Variants in KIFC1 observed in about 807,000 individuals in gnomAD.
KIFC1 encodes kinesin-like protein KIFC1.
Under a neutral mutation model 66.6 loss-of-function variants are expected in KIFC1, and 37 were observed. The observed-to-expected ratio is 0.56, with a 90% CI of 0.43 to 0.73. The LOEUF (loss-of-function observed/expected upper bound fraction) is 0.73. KIFC1 is among the 30% of genes least tolerant of loss of function. The probability of loss-of-function intolerance (pLI) is 0.00; values close to 1 mark genes in which losing one functional copy is unlikely to be tolerated. For missense variants in KIFC1, 721 were observed against 859.8 expected (o/e 0.84, Z 2.02); for synonymous variants, 325 against 343.5 (o/e 0.95, Z 0.60).
rs1775497030 is a variant in KIFC1 at position 33,403,820 on chromosome 6, A to T, written c.447A>T (p.Glu149Asp). 1 of 1,614,118 alleles carries T rather than the reference A, an allele frequency of 6.2e-7. No homozygotes were observed. Among genetic ancestry groups the T allele is most frequent in the Admixed American group, 1.7e-5 (1 of 60,010 alleles). The change falls in exon 6 of 11, where the codon GAA becomes GAT. Residue 149 changes from glutamate (E) to aspartate (D), a missense_variant. Glu to Asp is a conservative substitution (Grantham distance 45). Transcript: ENST00000428849. This position sits in a 1 kb window ranked among gnomAD's most constrained non-coding sequence, Gnocchi z 4.6. ...LKGQLCDLNA[E>D]LKRCRERTQT... The stretch of plus-strand genomic sequence containing the variant: ...GTCAGTTATGTGACCTAAATGCAGA[A>T]CTAAAACGGTGCCGTGAGAGGACTC...
At position 33,391,913 on chromosome 6, in the gene KIFC1, G is replaced by GC; in HGVS notation, c.-72dup. 1 of 1,584,328 alleles carries GC rather than the reference G, an allele frequency of 6.3e-7. No homozygotes were observed. ...CTGCTTCGCGAGCGGGCGAGAGAAC[G>GC]CGAGTCCCAGGATCCCCGGCACCCA... On this transcript the variant is annotated 5_prime_UTR_variant, in exon 1 of 11. Coordinates refer to ENST00000428849, the MANE Select transcript of KIFC1 (RefSeq NM_002263.4).
chr6:33,400,854 A>G lies in KIFC1; in HGVS notation c.251-2460A>G, dbSNP rs564692189. Among the ~76,000 whole-genome samples, 22 of 152,232 alleles carry G rather than the reference A, an allele frequency of 1.4e-4. No homozygotes were observed. The South Asian group carries it at 2.5e-3, about 17-fold the overall frequency. On this transcript the variant is annotated intron_variant, in intron 3 of 10. Transcript: ENST00000428849. The surrounding 1 kb of genome is among the most constrained non-coding windows in gnomAD (Gnocchi z 4.3). The stretch of plus-strand genomic sequence containing the variant: ...TTTTTAATAGAGACAGGGTTTCACC[A>G]TGTTAGCCAGGATGGTCTCGATCTC...
Position 33,407,157 on chromosome 6 carries a change from C to T in KIFC1, c.1977+282C>T, listed in dbSNP as rs576844585. The T allele has an allele frequency of 2.3e-4, 242 of 1,057,164 alleles. 1 individual carries two copies. In the South Asian group the frequency reaches 2.3e-3, roughly 10 times the overall value. The allele number at this position is 1,057,164 out of a possible 1,614,324, so 65.5% of individuals were successfully genotyped here. Reference sequence around the variant, plus strand: ...GGCGTAGTAGCTCATGCCTATAATCCGAACACTTCGGGAGGCCAAGGCAGG... The same window carrying T: ...GGCGTAGTAGCTCATGCCTATAATCTGAACACTTCGGGAGGCCAAGGCAGG... On this transcript the variant is annotated intron_variant, in intron 10 of 10. Coordinates refer to ENST00000428849, the MANE Select transcript of KIFC1 (RefSeq NM_002263.4).
rs1210944060 is a variant in KIFC1 at position 33,400,811 on chromosome 6, T to C, written c.250+2424T>C. Among the ~76,000 whole-genome samples, 3 of 152,178 alleles carry C rather than the reference T, an allele frequency of 2.0e-5. No individual in the cohort carries two copies. The highest frequency in any genetic ancestry group is 2.0e-4 in the Admixed American group (3 of 15,264). Reference sequence around the variant, plus strand: ...ACAGGCGCCCTCCACCACACTTGGCTAATTTTGTTTTTTTGTATTTTTAAT... The same window carrying C: ...ACAGGCGCCCTCCACCACACTTGGCCAATTTTGTTTTTTTGTATTTTTAAT... On this transcript the variant is annotated intron_variant, in intron 3 of 10. Coordinates refer to ENST00000428849, the MANE Select transcript of KIFC1 (RefSeq NM_002263.4). The surrounding 1 kb of genome is among the most constrained non-coding windows in gnomAD (Gnocchi z 4.3).
Position 33,406,549 on chromosome 6 carries a change from C to T in KIFC1, c.1828-43C>T. On this transcript the variant is annotated intron_variant, in intron 8 of 10. Transcript: ENST00000428849. This position sits in a 1 kb window ranked among gnomAD's most constrained non-coding sequence, Gnocchi z 4.5. ...GACAGTTGGGGTTGGCTGTGCAGAA[C>T]CCTGCCTATTCCTAAACATCTGTCC... 6.2e-7 allele frequency: 1 copy of T among 1,613,176 alleles called. No individual in the cohort carries two copies. Among genetic ancestry groups the T allele is most frequent in the South Asian group, 1.1e-5 (1 of 90,978 alleles).
At position 33,404,199 on chromosome 6, in the gene KIFC1, A is replaced by AG; in HGVS notation, c.756+72dup. ...AGAGGTCATGCCTCCCCTCCCTTCC[A>AG]GGTACCCCTCAAGTCTGGGCTGAGA... On this transcript the variant is annotated intron_variant, in intron 6 of 10. Transcript: ENST00000428849. The surrounding 1 kb of genome is among the most constrained non-coding windows in gnomAD (Gnocchi z 4.0). 6.7e-7 allele frequency: 1 copy of AG among 1,482,524 alleles called. No individual in the cohort carries two copies. Among genetic ancestry groups the AG allele is most frequent in the Admixed American group, 1.9e-5 (1 of 51,606 alleles). The allele number at this position is 1,482,524 out of a possible 1,614,324, so 91.8% of individuals were successfully genotyped here. A position where few individuals can be genotyped will look rare whatever the true frequency, so the allele number is the denominator to read the frequency against.
chr6:33,396,436 C>CTTTTTTTTTTTTTTTTTTTTTTTTT (rs199749552), intron 1 of KIFC1, among the ~76,000 whole-genome samples: 2 of 116,258 alleles, frequency 1.7e-5, no homozygotes, highest in Non-Finnish European at 3.4e-5. Flanking sequence ...CTTTTCTTTT[C>CTTTTTTTTTTTTTTTTTTTTTTTTT]TTTTTTTTTT....
Position 33,391,975 on chromosome 6 carries a change from C to A in KIFC1, c.-11C>A, listed in dbSNP as rs763321781. On this transcript the variant is annotated 5_prime_UTR_variant, in exon 1 of 11. Transcript: ENST00000428849. ...CTGCATTCCCCCGGCGCGTGTGGGA[C>A]CGAGGTGGACATGGATCCGCAGGTG... The A allele has an allele frequency of 1.9e-6, 3 of 1,613,966 alleles. No individual in the cohort carries two copies. Among genetic ancestry groups the A allele is most frequent in the Non-Finnish European group, 2.5e-6 (3 of 1,179,942 alleles).
At chr6:33,402,965 C>T (rs1775450939) in intron 3 of KIFC1, among the ~76,000 whole-genome samples, 1 of 152,146 alleles carries the variant, frequency 6.6e-6, no homozygotes. Flanking sequence ...TCAGCCTGGA[C>T]AACAAGTGAA....
chr6:33,399,031 G>A (rs564791062), intron 3 of KIFC1, among the ~76,000 whole-genome samples: 141 of 152,330 alleles, frequency 9.3e-4, no homozygotes, highest in African/African-American at 3.4e-3. Context: ...GGCATATGGA[G>A]TACAGTTGGC....
rs1163299001 is a variant in KIFC1, at chr6:33,403,237, T to C, written c.251-77T>C. On this transcript the variant is annotated intron_variant, in intron 3 of 10. Transcript: ENST00000428849. This position sits in a 1 kb window ranked among gnomAD's most constrained non-coding sequence, Gnocchi z 4.6. ...CTAATTCTGAGAAAAGCACTTCTTCTGCCCCTGTCCTAGCAAGTGTACATG... is the reference window on the plus strand; with the variant it reads ...CTAATTCTGAGAAAAGCACTTCTTCCGCCCCTGTCCTAGCAAGTGTACATG... 7.6e-7 allele frequency: 1 copy of C among 1,316,768 alleles called. No homozygotes were observed. The highest frequency in any genetic ancestry group is 1.5e-5 in the African/African-American group (1 of 68,918). The allele number at this position is 1,316,768 out of a possible 1,614,324, so 81.6% of individuals were successfully genotyped here. A position where few individuals can be genotyped will look rare whatever the true frequency, so the allele number is the denominator to read the frequency against.
chr6:33,391,711 G>T, upstream of KIFC1: 1 of 593,430 alleles, frequency 1.7e-6, no homozygotes. Flanking sequence ...GGCGCCTGTC[G>T]GGCGGGGTGT....
intron 10 of KIFC1, among the ~76,000 whole-genome samples, chr6:33,408,811 C>T (rs57991968): frequency 0.06 from 9,065 of 152,150 alleles, 914 homozygotes; most frequent in African/African-American, 0.21. Flanking sequence ...GGATTATAGG[C>T]GTGAGCCACC....
Position 33,406,809 on chromosome 6 carries a change from T to C in KIFC1, c.1911T>C (p.Phe637=). The C allele has an allele frequency of 6.2e-7, 1 of 1,614,168 alleles. No homozygotes were observed. The highest frequency in any genetic ancestry group is 8.5e-7 in the Non-Finnish European group (1 of 1,180,030). ...CATTGTCTTTTCATAGGCTCATGTT[T>C]GTGAACATTTCTCCACTGGAAGAGA... ...SLGGSAKMLM[F]VNISPLEENV... is the part of the protein sequence containing the mutation. Residue 637 remains phenylalanine, a synonymous_variant, in exon 10 of 11, where the codon TTT becomes TTC. Coordinates refer to ENST00000428849, the MANE Select transcript of KIFC1 (RefSeq NM_002263.4). This position sits in a 1 kb window ranked among gnomAD's most constrained non-coding sequence, Gnocchi z 4.5.
chr6:33,403,891 A>T lies in KIFC1; in HGVS notation c.518A>T (p.Asp173Val). ...CAGCAGCTTCAGGACCAGCTCAGAG[A>T]TGCCCAGCAGCAGGTCAAGGCCCTG... The part of the protein sequence containing the change: ...ENQQLQDQLR[D>V]AQQQVKALGT... Residue 173 changes from aspartate (D) to valine (V), a missense_variant, in exon 6 of 11, where the codon GAT becomes GTT. Physicochemically the swap from Asp to Val is radical, Grantham distance 152. Transcript: ENST00000428849. The surrounding 1 kb of genome is among the most constrained non-coding windows in gnomAD (Gnocchi z 4.6). 1.9e-6 allele frequency: 3 copies of T among 1,614,206 alleles called. No individual in the cohort carries two copies. Among genetic ancestry groups the T allele is most frequent in the African/African-American group, 2.7e-5 (2 of 75,064 alleles).
intron 3 of KIFC1, among the ~76,000 whole-genome samples, chr6:33,402,671 A>G (rs1775434669): frequency 7.0e-6 from 1 of 143,790 alleles, no homozygotes; most frequent in East Asian, 2.1e-4. Context: ...TGGAGGTTGT[A>G]GTGAGCTGAG....
upstream of KIFC1, chr6:33,391,755 C>T: frequency 1.6e-6 from 1 of 628,732 alleles, no homozygotes. Flanking sequence ...GCGATTGGCC[C>T]TCGGCTGTGG....
In KIFC1 at chr6:33,403,229, ACTT is replaced by A. The variant is rs1384996001; in HGVS notation, c.251-79_251-77del. 6.4e-6 allele frequency: 8 copies of A among 1,241,112 alleles called. No individual in the cohort carries two copies. Among genetic ancestry groups the A allele is most frequent in the Admixed American group, 3.4e-5 (2 of 58,226 alleles). 76.9% of individuals were successfully genotyped at this position (1,241,112 alleles called of 1,614,324 possible). ...TCCTATTTCTAATTCTGAGAAAAGC[ACTT>A]CTTCTGCCCCTGTCCTAGCAAGTGT... On this transcript the variant is annotated intron_variant, in intron 3 of 10. Coordinates refer to ENST00000428849, the MANE Select transcript of KIFC1 (RefSeq NM_002263.4). This position sits in a 1 kb window ranked among gnomAD's most constrained non-coding sequence, Gnocchi z 4.6.
At chr6:33,409,533 C>T in intron 10 of KIFC1, 113 bp from the exon 11 acceptor site, 2 of 1,074,068 alleles carry the variant, frequency 1.9e-6, no homozygotes, top group Non-Finnish European at 2.9e-6. Context: ...CTTTGGAGGC[C>T]TTATTTCGGT....
Sources: allele counts gnomAD v4.1 joint callset (sites outside exome capture counted in the v4.1 genomes callset), GRCh38; gene constraint gnomAD v4.1.1; non-coding constraint Gnocchi (gnomAD v3.1); transcripts MANE v1.5; gene names NCBI Gene and HGNC (gene_info 2026-07-23, HGNC 2026-07-21).